Variants in MED8 observed in about 807,000 individuals in gnomAD.
MED8 encodes mediator complex subunit 8.
Under a neutral mutation model 34.8 loss-of-function variants are expected in MED8, and 22 were observed. The observed-to-expected ratio is 0.63, with a 90% CI of 0.45 to 0.90. The LOEUF (loss-of-function observed/expected upper bound fraction) is 0.90, where lower values mean the gene tolerates loss of function less well. MED8 is among the 40% of genes least tolerant of loss of function. The pLI is 0.00. For synonymous variants in MED8, 105 were observed against 120.2 expected (o/e 0.87, Z 0.83); for missense variants, 260 against 326.3 (o/e 0.80, Z 1.57).
At chr1:43,389,497 C>A (rs1647975996) in intron 1 of MED8, among the ~76,000 whole-genome samples, 1 of 152,168 alleles carries the variant, frequency 6.6e-6, no homozygotes, top group South Asian at 2.1e-4. Context: ...ACAACCTAAT[C>A]CTTTCCCACG....
In MED8 at chr1:43,384,878, C is replaced by G; in HGVS notation, c.*164G>C. On this transcript the variant is annotated 3_prime_UTR_variant, in exon 7 of 7. Coordinates refer to ENST00000372457, the MANE Select transcript of MED8 (RefSeq NM_201542.5). ...AAACAGGCTCAGAAAAATTAGGTCACTTGTCCAAGGTCACACAGCTAGTCA... is the reference window on the plus strand; with the variant it reads ...AAACAGGCTCAGAAAAATTAGGTCAGTTGTCCAAGGTCACACAGCTAGTCA... 1.4e-6 allele frequency: 2 copies of G among 1,411,992 alleles called. No homozygotes were observed. The highest frequency in any genetic ancestry group is 1.9e-6 in the Non-Finnish European group (2 of 1,078,220). The allele number at this position is 1,411,992 out of a possible 1,614,324, so 87.5% of individuals were successfully genotyped here.
chr1:43,384,219 TG>T lies in MED8; in HGVS notation c.*822del, dbSNP rs150181617. The T allele has an allele frequency of 2.7e-3, 1,238 of 455,702 alleles. 11 individuals are homozygous for T. Among genetic ancestry groups the T allele is most frequent in the African/African-American group, 0.023 (1,128 of 49,036 alleles). 28.2% of individuals were successfully genotyped at this position (455,702 alleles called of 1,614,324 possible). ...GGTCAACTAAACCCTGATGGCAGTG[TG>T]AAGTGCAATTCCCTTCTCCCTCCAA... On this transcript the variant is annotated 3_prime_UTR_variant, in exon 7 of 7. Transcript: ENST00000372457.
chr1:43,387,297 G>C (rs1484737614), intron 3 of MED8, among the ~76,000 whole-genome samples: 4 of 152,140 alleles, frequency 2.6e-5, no homozygotes, highest in African/African-American at 9.7e-5. Flanking sequence ...GACAGATGTT[G>C]GAGAAGAAAG....
chr1:43,385,435 C>T, intron 6 of MED8: 1 of 272,308 alleles, frequency 3.7e-6, no homozygotes, highest in Non-Finnish European at 7.0e-6. Context: ...ATAATAAGTG[C>T]AGAATCTCTC....
At position 43,386,489 on chromosome 1, in the gene MED8, C is replaced by T. The variant is rs1647736600; in HGVS notation, c.493+100G>A. Reference sequence around the variant, plus strand: ...AATGGATACAAACCCCAAAGCAGTTCACCCTTGTGTCCTAACTTCACTACT... The same window carrying T: ...AATGGATACAAACCCCAAAGCAGTTTACCCTTGTGTCCTAACTTCACTACT... On this transcript the variant is annotated intron_variant, in intron 5 of 6. Coordinates refer to ENST00000372457, the MANE Select transcript of MED8 (RefSeq NM_201542.5). This position sits in a 1 kb window ranked among gnomAD's most constrained non-coding sequence, Gnocchi z 4.9. 1.5e-6 allele frequency: 2 copies of T among 1,322,950 alleles called. No homozygotes were observed. The highest frequency in any genetic ancestry group is 2.0e-5 in the Admixed American group (1 of 49,772). The allele number at this position is 1,322,950 out of a possible 1,614,324, so 82.0% of individuals were successfully genotyped here. A position where few individuals can be genotyped will look rare whatever the true frequency, so the allele number is the denominator to read the frequency against.
chr1:43,384,938 C>G lies in MED8; in HGVS notation c.*104G>C. 1 of 1,468,026 alleles carries G rather than the reference C, an allele frequency of 6.8e-7. No individual in the cohort carries two copies. The highest frequency in any genetic ancestry group is 9.0e-7 in the Non-Finnish European group (1 of 1,110,044). 90.9% of individuals were successfully genotyped at this position (1,468,026 alleles called of 1,614,324 possible). ...GTGGGATTTGTCTGCTGCTGAAAGC[C>G]CATGTTCTTTTTATTGTACCCATCT... On this transcript the variant is annotated 3_prime_UTR_variant, in exon 7 of 7. Transcript: ENST00000372457.
At position 43,385,015 on chromosome 1, in the gene MED8, C is replaced by T; in HGVS notation, c.*27G>A. On this transcript the variant is annotated 3_prime_UTR_variant, in exon 7 of 7. Coordinates refer to ENST00000372457, the MANE Select transcript of MED8 (RefSeq NM_201542.5). Reference sequence around the variant, plus strand: ...TCACTGCCCAACTCTGCAAAGAGCACCAGGGAGTCGAGGTTGCCAGCCACA... The same window carrying T: ...TCACTGCCCAACTCTGCAAAGAGCATCAGGGAGTCGAGGTTGCCAGCCACA... 1 of 1,552,362 alleles carries T rather than the reference C, an allele frequency of 6.4e-7. No individual in the cohort carries two copies. The highest frequency in any genetic ancestry group is 1.2e-5 in the South Asian group (1 of 83,978).
intron 1 of MED8, 198 bp from the exon 2 acceptor site, chr1:43,388,626 G>C: frequency 1.3e-6 from 1 of 798,952 alleles, no homozygotes; most frequent in South Asian, 2.0e-5. Context: ...CAACCTGTTT[G>C]CCTGACCCCA....
intron 3 of MED8, among the ~76,000 whole-genome samples, 173 bp from the exon 4 acceptor site, chr1:43,387,171 T>C (rs1355049163): frequency 6.6e-6 from 1 of 152,212 alleles, no homozygotes; most frequent in East Asian, 1.9e-4. Flanking sequence ...TCATTTTTTG[T>C]GTCTTCTCAC....
At chr1:43,388,651 C>T (rs1647877079) in intron 1 of MED8, 1 of 597,852 alleles carries the variant, frequency 1.7e-6, no homozygotes, top group Non-Finnish European at 2.8e-6. Flanking sequence ...CTTCCACCAA[C>T]TGATTCCTTT....
At position 43,384,238 on chromosome 1, in the gene MED8, C is replaced by G. The variant is rs1647644704; in HGVS notation, c.*804G>C. On this transcript the variant is annotated 3_prime_UTR_variant, in exon 7 of 7. Transcript: ENST00000372457. ...GCAGTGTGAAGTGCAATTCCCTTCTCCCTCCAAAATAAGAAACATGAATCC... is the reference window on the plus strand; with the variant it reads ...GCAGTGTGAAGTGCAATTCCCTTCTGCCTCCAAAATAAGAAACATGAATCC... 2 of 524,086 alleles carry G rather than the reference C, an allele frequency of 3.8e-6. No homozygotes were observed. The highest frequency in any genetic ancestry group is 8.0e-5 in the Admixed American group (2 of 25,056). 32.5% of individuals were successfully genotyped at this position (524,086 alleles called of 1,614,324 possible). A position where few individuals can be genotyped will look rare whatever the true frequency, so the allele number is the denominator to read the frequency against.
rs774578238 is a variant in MED8 at position 43,385,047 on chromosome 1, G to T, written c.802C>A (p.Arg268=). The change falls in exon 7 of 7, where the codon CGG becomes AGG. Residue 268 remains arginine (R), a synonymous_variant. Transcript: ENST00000372457. ...GTCGAGGTTGCCAGCCACACTCACC[G>T]CTGGTAGGGATGCATGGAAGCCGAC... ...IKSASMHPYQ[R] is the part of the protein sequence containing the mutation. 6.4e-7 allele frequency: 1 copy of T among 1,556,582 alleles called. No individual in the cohort carries two copies. Among genetic ancestry groups the T allele is most frequent in the Non-Finnish European group, 8.7e-7 (1 of 1,149,478 alleles).
Position 43,386,074 on chromosome 1 carries a change from C to T in MED8, c.646G>A (p.Gly216Arg). The T allele has an allele frequency of 6.2e-7, 1 of 1,614,028 alleles. No homozygotes were observed. The highest frequency in any genetic ancestry group is 8.5e-7 in the Non-Finnish European group (1 of 1,179,894). ...GQPGAGTILA[G>R]TSGLQQVQMA... ...TGCACCTGCTGTAATCCTGAGGTTC[C>T]TGCAAGGATCGTCCCAGCTCCTGGC... The change falls in exon 6 of 7, where the codon GGA becomes AGA. Residue 216 changes from glycine to arginine, a missense_variant. By Grantham distance (125) the Gly-to-Arg change is moderately radical. Transcript: ENST00000372457. This position sits in a 1 kb window ranked among gnomAD's most constrained non-coding sequence, Gnocchi z 4.9.
rs1262488293 is a variant in MED8 at position 43,385,014 on chromosome 1, A to AC, written c.*27dup. On this transcript the variant is annotated 3_prime_UTR_variant, in exon 7 of 7. Coordinates refer to ENST00000372457, the MANE Select transcript of MED8 (RefSeq NM_201542.5). ...TTCACTGCCCAACTCTGCAAAGAGCACCAGGGAGTCGAGGTTGCCAGCCAC... is the reference window on the plus strand; with the variant it reads ...TTCACTGCCCAACTCTGCAAAGAGCACCCAGGGAGTCGAGGTTGCCAGCCAC... The AC allele has an allele frequency of 6.4e-7, 1 of 1,552,348 alleles. No individual in the cohort carries two copies. Among genetic ancestry groups the AC allele is most frequent in the African/African-American group, 1.4e-5 (1 of 73,174 alleles).
chr1:43,385,478 G>A (rs1320731812), intron 6 of MED8: 2 of 234,228 alleles, frequency 8.5e-6, no homozygotes, highest in South Asian at 6.3e-5. Flanking sequence ...CAGCTTGGAG[G>A]AAATAACTCT....
At chr1:43,388,231 C>T in intron 2 of MED8, 79 bp downstream of exon 2, 1 of 1,343,122 alleles carries the variant, frequency 7.4e-7, no homozygotes, top group Non-Finnish European at 1.0e-6. Flanking sequence ...ATGGTTACAT[C>T]ATTAGAAATG....
At chr1:43,387,080 C>T in intron 3 of MED8, 82 bp from the exon 4 acceptor site, 1 of 1,543,532 alleles carries the variant, frequency 6.5e-7, no homozygotes, top group South Asian at 1.2e-5. Flanking sequence ...CATCCACAGG[C>T]AAACAGTGCA....
intron 2 of MED8, 21 bp from the exon 3 acceptor site, chr1:43,387,668 T>A: frequency 6.2e-7 from 1 of 1,613,322 alleles, no homozygotes; most frequent in Non-Finnish European, 8.5e-7. Context: ...TAACAAGGTG[T>A]AAGAATGTTG....
chr1:43,386,575 C>G lies in MED8; in HGVS notation c.493+14G>C, dbSNP rs1032573645. The G allele has an allele frequency of 6.2e-7, 1 of 1,607,808 alleles. No homozygotes were observed. The highest frequency in any genetic ancestry group is 1.7e-5 in the Admixed American group (1 of 59,112). On this transcript the variant is annotated intron_variant, in intron 5 of 6. Coordinates refer to ENST00000372457, the MANE Select transcript of MED8 (RefSeq NM_201542.5). This position sits in a 1 kb window ranked among gnomAD's most constrained non-coding sequence, Gnocchi z 4.9. ...TACCTCTCCTTCTCTGTTTAGCCAC[C>G]AGTCCCATCATACCTCCACTCTCTG...
Sources: allele counts gnomAD v4.1 joint callset (sites outside exome capture counted in the v4.1 genomes callset), GRCh38; gene constraint gnomAD v4.1.1; non-coding constraint Gnocchi (gnomAD v3.1); transcripts MANE v1.5; gene names NCBI Gene and HGNC (gene_info 2026-07-23, HGNC 2026-07-21).